TENM3: variants seen among roughly 807,000 people sequenced by gnomAD.
TENM3 encodes the protein teneurin-3.
TENM3 carries 63 observed loss-of-function variants against 255.1 expected under a neutral mutation model. That is an observed-to-expected ratio of 0.25 (90% confidence interval 0.20 to 0.30). The LOEUF is 0.30. Among genes scored for constraint, TENM3 ranks in the 10% least tolerant of loss-of-function variants. TENM3 has a pLI of 1.00. For synonymous variants in TENM3, 1,306 were observed against 1,322.3 expected, an observed-to-expected ratio of 0.99 and a Z score of 0.27; for missense variants, 2,929 against 3,461.1, an observed-to-expected ratio of 0.85 and a Z score of 3.86.
the TENM3 span, among the ~76,000 whole-genome samples, chr4:181,670,423 A>G: frequency 2.0e-5 from 3 of 152,248 alleles, no homozygotes; most frequent in African/African-American, 7.2e-5. Flanking sequence ...AATGATCTAC[A>G]GCACAATTTA....
intron 3 of TENM3, among the ~76,000 whole-genome samples, chr4:182,552,345 G>A (rs1440487039): frequency 6.6e-6 from 1 of 152,188 alleles, no homozygotes; most frequent in Non-Finnish European, 1.5e-5. Context: ...GAGTTCCAAT[G>A]ATTGTCAACC....
the TENM3 span, among the ~76,000 whole-genome samples, chr4:182,094,159 G>C: frequency 1.3e-5 from 2 of 152,080 alleles, no homozygotes; most frequent in Non-Finnish European, 2.9e-5. Context: ...CTCAGAGCAA[G>C]CTGCCATACT....
intron 22 of TENM3, among the ~76,000 whole-genome samples, chr4:182,759,319 G>A (rs1762957800): frequency 6.6e-6 from 1 of 152,226 alleles, no homozygotes; most frequent in Non-Finnish European, 1.5e-5. Context: ...AATCAGAGAT[G>A]TAGACAGGTC....
chr4:182,800,922 T>TCCCTTCGGGGAAAAAACTGGCAA lies in TENM3; in HGVS notation c.*573_*595dup, dbSNP rs1326626936. The TCCCTTCGGGGAAAAAACTGGCAA allele has an allele frequency of 6.6e-6, 1 of 152,654 alleles. No individual in the cohort carries two copies. The highest frequency in any genetic ancestry group is 1.5e-5 in the Non-Finnish European group (1 of 68,048). 9.5% of individuals were successfully genotyped at this position (152,654 alleles called of 1,614,324 possible). A position where few individuals can be genotyped will look rare whatever the true frequency, so the allele number is the denominator to read the frequency against. Reference sequence around the variant, plus strand: ...TGGATTTTACAATGCTAACGTGGTTTCCCTTCGGGGAAAAAACTGGCAACT... The same window carrying TCCCTTCGGGGAAAAAACTGGCAA: ...TGGATTTTACAATGCTAACGTGGTTTCCCTTCGGGGAAAAAACTGGCAACCCTTCGGGGAAAAAACTGGCAACT... On this transcript the variant is annotated 3_prime_UTR_variant, in exon 28 of 28. Coordinates refer to ENST00000511685, the MANE Select transcript of TENM3 (RefSeq NM_001080477.4).
chr4:182,771,895 CTG>C (rs1230887852), intron 22 of TENM3, among the ~76,000 whole-genome samples: 1 of 152,192 alleles, frequency 6.6e-6, no homozygotes, highest in African/African-American at 2.4e-5. Context: ...TTGGCTTCCT[CTG>C]TGTCTCCATC....
chr4:182,046,791 AT>A, the TENM3 span, among the ~76,000 whole-genome samples: 6 of 152,184 alleles, frequency 3.9e-5, no homozygotes, highest in Non-Finnish European at 8.8e-5. Context: ...TATTACTATT[AT>A]TTGAGATAAT....
chr4:182,442,127 G>A (rs926464183), intron 3 of TENM3, among the ~76,000 whole-genome samples: 1 of 152,250 alleles, frequency 6.6e-6, no homozygotes, highest in South Asian at 2.1e-4. Flanking sequence ...GCAGAGGTAT[G>A]GAGCATGTAC....
At chr4:182,133,512 C>T in the TENM3 span, among the ~76,000 whole-genome samples, 2 of 151,994 alleles carry the variant, frequency 1.3e-5, no homozygotes, top group Admixed American at 1.3e-4. Context: ...AGGTTCATCC[C>T]AAAATTTATA....
intron 3 of TENM3, among the ~76,000 whole-genome samples, chr4:182,480,711 GA>G (rs1199468905): frequency 2.0e-5 from 3 of 150,926 alleles, no homozygotes; most frequent in Non-Finnish European, 4.4e-5. Context: ...TCTTTTTTTT[GA>G]AAAATCAAAG....
At chr4:182,667,814 G>T (rs1157583433) in intron 6 of TENM3, among the ~76,000 whole-genome samples, 8 of 151,588 alleles carry the variant, frequency 5.3e-5, no homozygotes, top group African/African-American at 1.9e-4. Flanking sequence ...TGGGGGGAGT[G>T]GGGAGGGATA....
the TENM3 span, among the ~76,000 whole-genome samples, chr4:181,897,526 C>T: frequency 6.6e-6 from 1 of 152,172 alleles, no homozygotes; most frequent in South Asian, 2.1e-4. Flanking sequence ...TCTTATGATA[C>T]TGACTTTAAG....
chr4:182,220,554 G>A (rs932974902), intron 1 of TENM3, among the ~76,000 whole-genome samples: 5 of 21,156 alleles, frequency 2.4e-4, no homozygotes, highest in Non-Finnish European at 5.8e-4. Flanking sequence ...GTCCAAATGT[G>A]GGGGGCACTG....
chr4:182,368,353 G>A (rs1733645875), intron 3 of TENM3, among the ~76,000 whole-genome samples: 1 of 152,176 alleles, frequency 6.6e-6, no homozygotes, highest in South Asian at 2.1e-4. Context: ...AGTTGGTTGA[G>A]TTTTGTAGAC....
chr4:182,511,801 T>G (rs1250046760), intron 3 of TENM3, among the ~76,000 whole-genome samples: 1 of 152,186 alleles, frequency 6.6e-6, no homozygotes, highest in African/African-American at 2.4e-5. Flanking sequence ...ACATATGACC[T>G]CTGAAGGACT....
chr4:181,594,075 C>G, the TENM3 span, among the ~76,000 whole-genome samples: 6 of 151,154 alleles, frequency 4.0e-5, no homozygotes, highest in African/African-American at 1.5e-4. Context: ...GATAATCAAC[C>G]TAATAAGGTA....
At chr4:181,967,083 T>A in the TENM3 span, among the ~76,000 whole-genome samples, 3 of 152,300 alleles carry the variant, frequency 2.0e-5, no homozygotes, top group East Asian at 5.8e-4. Context: ...GCAGAGACTT[T>A]GCATGAAAGG....
At chr4:181,933,226 G>T in the TENM3 span, among the ~76,000 whole-genome samples, 1 of 152,072 alleles carries the variant, frequency 6.6e-6, no homozygotes. Flanking sequence ...CAAACCCAAG[G>T]TTAGAAGTTC....
intron 2 of TENM3, among the ~76,000 whole-genome samples, chr4:182,332,708 GA>G (rs112751092): frequency 0.031 from 3,059 of 100,058 alleles, 53 homozygotes; most frequent in South Asian, 0.065. Flanking sequence ...AAAGAAAAAA[GA>G]AAAAAAAAAA....
At chr4:181,803,991 AAG>A in the TENM3 span, among the ~76,000 whole-genome samples, 3 of 142,888 alleles carry the variant, frequency 2.1e-5, no homozygotes, top group Non-Finnish European at 4.7e-5. Context: ...GAAAGAAAGA[AAG>A]AGAAAGATAA....
Sources: allele counts gnomAD v4.1 joint callset (sites outside exome capture counted in the v4.1 genomes callset), GRCh38; gene constraint gnomAD v4.1.1; transcripts MANE v1.5; gene names NCBI Gene and HGNC (gene_info 2026-07-23, HGNC 2026-07-21).